The following CCDC192 variants were observed in gnomAD, a reference collection of about 807,000 sequenced individuals.
CCDC192 encodes the protein coiled-coil domain containing 192.
intron 6 of CCDC192, among the ~76,000 whole-genome samples, chr5:127,904,495 CTTTT>C (rs11344791): frequency 0.014 from 1,624 of 115,802 alleles, 22 homozygotes; most frequent in African/African-American, 0.05. Flanking sequence ...TTGGCAGAGA[CTTTT>C]TTTTTTTTTT....
chr5:127,926,454 G>A (rs768438051), intron 6 of CCDC192, among the ~76,000 whole-genome samples: 6 of 152,178 alleles, frequency 3.9e-5, no homozygotes, highest in Admixed American at 1.3e-4. Flanking sequence ...GATTGAGAAC[G>A]TATTTTGTGA....
intron 6 of CCDC192, among the ~76,000 whole-genome samples, chr5:127,935,932 C>A (rs1011418205): frequency 6.6e-6 from 1 of 151,998 alleles, no homozygotes. Context: ...TGGAGAAATC[C>A]CGTCTCTACT....
At chr5:127,710,314 C>T (rs248742) in intron 2 of CCDC192, among the ~76,000 whole-genome samples, 1 of 151,724 alleles carries the variant, frequency 6.6e-6, no homozygotes, top group East Asian at 1.9e-4. Context: ...CATGAGGAAC[C>T]GAATTGCAGG....
chr5:127,709,294 A>G (rs1024122290), intron 2 of CCDC192, among the ~76,000 whole-genome samples: 1 of 151,882 alleles, frequency 6.6e-6, no homozygotes, highest in Admixed American at 6.6e-5. Context: ...AAACTCACTC[A>G]CCATCATGAG....
At chr5:127,788,268 G>A (rs1360205124) in intron 3 of CCDC192, among the ~76,000 whole-genome samples, 1 of 152,092 alleles carries the variant, frequency 6.6e-6, no homozygotes, top group East Asian at 1.9e-4. Context: ...AATATGCAAT[G>A]TATTCCTTTT....
At chr5:127,771,071 AG>A (rs1208173660) in intron 3 of CCDC192, among the ~76,000 whole-genome samples, 1 of 152,230 alleles carries the variant, frequency 6.6e-6, no homozygotes, top group African/African-American at 2.4e-5. Flanking sequence ...AAATTGATTC[AG>A]GACAGGTTAT....
At chr5:127,860,166 A>G (rs1751295148) in intron 5 of CCDC192, among the ~76,000 whole-genome samples, 1 of 152,180 alleles carries the variant, frequency 6.6e-6, no homozygotes. Context: ...AATTTATTAT[A>G]TATCTATTTC....
chr5:127,863,649 A>G (rs1751468114), intron 5 of CCDC192, among the ~76,000 whole-genome samples: 1 of 152,218 alleles, frequency 6.6e-6, no homozygotes, highest in East Asian at 1.9e-4. Context: ...CCTATATGTA[A>G]TACTACCGAA....
chr5:127,753,074 TGCGTC>T (rs1313500304), intron 2 of CCDC192, among the ~76,000 whole-genome samples: 1 of 152,186 alleles, frequency 6.6e-6, no homozygotes, highest in African/African-American at 2.4e-5. Context: ...ACCCGTCTTC[TGCGTC>T]GCTCAGGCTG....
At chr5:127,939,868 C>A (rs1247240868) in intron 6 of CCDC192, among the ~76,000 whole-genome samples, 1 of 152,260 alleles carries the variant, frequency 6.6e-6, no homozygotes, top group Middle Eastern at 3.4e-3. Flanking sequence ...TCAATTGTAA[C>A]AATCTACCGT....
intron 6 of CCDC192, among the ~76,000 whole-genome samples, chr5:127,879,037 G>C (rs1297063589): frequency 6.7e-6 from 1 of 150,060 alleles, no homozygotes; most frequent in African/African-American, 2.5e-5. Context: ...GAATGCTTGT[G>C]ATTTTTGTAC....
At chr5:127,717,928 C>CAAAAAAAAAAAAAAAAAAGAAA in intron 2 of CCDC192, among the ~76,000 whole-genome samples, 1 of 98,074 alleles carries the variant, frequency 1.0e-5, no homozygotes, top group Non-Finnish European at 2.0e-5. Context: ...TAAAGCTAGA[C>CAAAAAAAAAAAAAAAAAAGAAA]AAAAAAAAAA....
chr5:127,836,363 G>T (rs922015741), intron 5 of CCDC192, among the ~76,000 whole-genome samples: 3 of 152,172 alleles, frequency 2.0e-5, no homozygotes, highest in Admixed American at 1.3e-4. Flanking sequence ...TTGAGTGTCT[G>T]TAGCTTTTCC....
intron 3 of CCDC192, chr5:127,786,771 T>C (rs974093158): frequency 3.5e-5 from 23 of 648,270 alleles, no homozygotes; most frequent in Non-Finnish European, 6.4e-5. Context: ...CAAAAATTAC[T>C]TAAGTTGTTT....
chr5:127,834,700 C>T (rs1052311311), intron 5 of CCDC192, among the ~76,000 whole-genome samples: 3 of 152,142 alleles, frequency 2.0e-5, no homozygotes, highest in Admixed American at 6.6e-5. Context: ...ATCTCCCGGG[C>T]GCAGTCAAAC....
At chr5:127,860,795 T>A (rs777085552) in intron 5 of CCDC192, among the ~76,000 whole-genome samples, 14 of 152,198 alleles carry the variant, frequency 9.2e-5, no homozygotes, top group Non-Finnish European at 2.1e-4. Flanking sequence ...AGATTCCTTC[T>A]TTTCATACGT....
chr5:127,728,913 T>G (rs1031789002), intron 2 of CCDC192, among the ~76,000 whole-genome samples: 1 of 151,436 alleles, frequency 6.6e-6, no homozygotes, highest in Admixed American at 6.6e-5. Context: ...TCTTTTTTTC[T>G]TTTTTTTTCT....
At chr5:127,768,634 A>G (rs1276747151) in intron 3 of CCDC192, among the ~76,000 whole-genome samples, 1 of 152,218 alleles carries the variant, frequency 6.6e-6, no homozygotes, top group African/African-American at 2.4e-5. Context: ...AGAGATTATT[A>G]TGCTTCTAAG....
chr5:127,895,541 T>G (rs1752856282), intron 6 of CCDC192, among the ~76,000 whole-genome samples: 2 of 152,104 alleles, frequency 1.3e-5, no homozygotes, highest in African/African-American at 4.8e-5. Flanking sequence ...ATTAAATACT[T>G]AGGTAAAAAA....
Sources: gnomAD v4.1 joint callset for allele counts (sites outside exome capture counted in the v4.1 genomes callset) on GRCh38, gnomAD v4.1.1 for gene constraint, MANE v1.5 for transcripts, NCBI Gene and HGNC (gene_info 2026-07-23, HGNC 2026-07-21) for gene names.